The following TMEM108 variants were observed in gnomAD, a reference collection of about 807,000 sequenced individuals.
The protein encoded by TMEM108 is cancer/testis antigen 124.
A neutral mutation model predicts 35.1 loss-of-function variants in TMEM108; 12 were observed. The ratio of observed to expected loss-of-function variants is 0.34; its 90% CI spans 0.22 to 0.55. TMEM108 has a LOEUF of 0.55. TMEM108 is among the 20% of genes least tolerant of loss of function. The pLI is 0.89. For synonymous variants in TMEM108, 287 were observed against 308.6 expected, an observed-to-expected ratio of 0.93 and a Z score of 0.73; for missense variants, 680 against 753.3, an observed-to-expected ratio of 0.90 and a Z score of 1.14.
chr3:133,095,689 G>A (rs1364988499), intron 2 of TMEM108, among the ~76,000 whole-genome samples: 1 of 152,102 alleles, frequency 6.6e-6, no homozygotes, highest in African/African-American at 2.4e-5. Context: ...ATTCACAATA[G>A]GGTTTGTGCT....
At chr3:133,128,982 C>T (rs1454261144) in intron 2 of TMEM108, among the ~76,000 whole-genome samples, 1 of 152,138 alleles carries the variant, frequency 6.6e-6, no homozygotes. Context: ...TTTTTGCCTC[C>T]TTAATATAGC....
chr3:133,170,181 T>A (rs1945109363), intron 2 of TMEM108, among the ~76,000 whole-genome samples: 1 of 152,140 alleles, frequency 6.6e-6, no homozygotes, highest in Admixed American at 6.5e-5. Context: ...AAAAAAGAAA[T>A]AATTCCAAAC....
chr3:133,166,364 G>A (rs565701949), intron 2 of TMEM108, among the ~76,000 whole-genome samples: 8 of 152,208 alleles, frequency 5.3e-5, no homozygotes, highest in South Asian at 4.1e-4. Context: ...GAAAAAAATC[G>A]TTTATTTTAC....
intron 2 of TMEM108, among the ~76,000 whole-genome samples, chr3:133,136,585 C>T (rs1425308050): frequency 6.6e-6 from 1 of 152,210 alleles, no homozygotes; most frequent in African/African-American, 2.4e-5. Flanking sequence ...AGAGGAGCTT[C>T]TTCCCACCAG....
chr3:133,069,490 T>C (rs1330149990), intron 2 of TMEM108, among the ~76,000 whole-genome samples: 1 of 152,194 alleles, frequency 6.6e-6, no homozygotes, highest in African/African-American at 2.4e-5. Context: ...GGGGGACTTA[T>C]TCAAATTAAC....
intron 3 of TMEM108, among the ~76,000 whole-genome samples, chr3:133,236,994 A>G (rs920282748): frequency 1.3e-5 from 2 of 152,134 alleles, no homozygotes; most frequent in African/African-American, 4.8e-5. Flanking sequence ...CTCCCTCCTT[A>G]GCTGTCAGAG....
At chr3:133,266,993 T>G (rs1360283548) in intron 3 of TMEM108, among the ~76,000 whole-genome samples, 1 of 144,640 alleles carries the variant, frequency 6.9e-6, no homozygotes, top group East Asian at 2.0e-4. Context: ...GGCAGGAGAA[T>G]GGCGTGAACC....
At chr3:133,181,519 A>C (rs901912013) in intron 2 of TMEM108, among the ~76,000 whole-genome samples, 3 of 152,168 alleles carry the variant, frequency 2.0e-5, no homozygotes, top group Non-Finnish European at 1.5e-5. Flanking sequence ...TCTAATGTTT[A>C]GAGTCACTTC....
intron 3 of TMEM108, among the ~76,000 whole-genome samples, chr3:133,295,388 C>CTAA (rs2107698768): frequency 6.6e-6 from 1 of 152,210 alleles, no homozygotes; most frequent in Non-Finnish European, 1.5e-5. Context: ...GTGGTAGGCC[C>CTAA]ATTAGGGAAC....
chr3:133,188,374 T>C (rs1024747876), intron 2 of TMEM108, among the ~76,000 whole-genome samples: 2 of 151,954 alleles, frequency 1.3e-5, no homozygotes, highest in African/African-American at 4.8e-5. Context: ...AAATGACATT[T>C]GTGGGTGGGT....
chr3:133,110,671 T>C (rs182048918), intron 2 of TMEM108, among the ~76,000 whole-genome samples: 11 of 152,336 alleles, frequency 7.2e-5, no homozygotes, highest in African/African-American at 2.6e-4. Flanking sequence ...TTTCTTGAAC[T>C]AAATCAGACA....
Position 133,130,314 on chromosome 3 carries a change from T to C in TMEM108, c.-47+84294T>C, listed in dbSNP as rs116581037. 2.1e-3 allele frequency among the ~76,000 whole-genome samples: 318 copies of C among 152,302 alleles called. 1 individual carries two copies. Among genetic ancestry groups the C allele is most frequent in the African/African-American group, 6.8e-3 (283 of 41,572 alleles). On this transcript the variant is annotated intron_variant, in intron 2 of 5. Coordinates refer to ENST00000321871, the MANE Select transcript of TMEM108 (RefSeq NM_023943.4). The stretch of plus-strand genomic sequence containing the variant: ...GCAACAACCATGTGTATTTGACTCA[T>C]GAATCTGCAATCTGGCCAGGGCTCA...
intron 3 of TMEM108, among the ~76,000 whole-genome samples, chr3:133,332,084 A>ACGTG (rs2071402092): frequency 1.1e-4 from 1 of 8,748 alleles, no homozygotes; most frequent in Non-Finnish European, 1.1e-3. Context: ...GCGCACGTGC[A>ACGTG]CACACACACA....
chr3:133,056,774 G>T (rs777407099), intron 2 of TMEM108, among the ~76,000 whole-genome samples: 1 of 152,126 alleles, frequency 6.6e-6, no homozygotes, highest in Admixed American at 6.5e-5. Flanking sequence ...AGAATGTCCT[G>T]GTATATCTGC....
chr3:133,070,815 G>A (rs953264091), intron 2 of TMEM108, among the ~76,000 whole-genome samples: 5 of 151,000 alleles, frequency 3.3e-5, no homozygotes, highest in South Asian at 2.1e-4. Context: ...GTCTCTTGTC[G>A]TTAAAAAAGA....
chr3:133,263,404 G>T (rs1946652819), intron 3 of TMEM108, among the ~76,000 whole-genome samples: 1 of 152,122 alleles, frequency 6.6e-6, no homozygotes, highest in Admixed American at 6.6e-5. Context: ...ATTCTATCCT[G>T]ATCACAATTA....
chr3:133,136,617 C>T (rs1944567972), intron 2 of TMEM108, among the ~76,000 whole-genome samples: 1 of 152,156 alleles, frequency 6.6e-6, no homozygotes, highest in South Asian at 2.1e-4. Context: ...GTTTTGACAG[C>T]AGGTGTGGTG....
At chr3:133,148,242 AG>A (rs963105985) in intron 2 of TMEM108, among the ~76,000 whole-genome samples, 2 of 152,200 alleles carry the variant, frequency 1.3e-5, no homozygotes, top group African/African-American at 4.8e-5. Context: ...AGGAACTGAG[AG>A]CATCTTTTGG....
chr3:133,166,502 T>A (rs1945039815), intron 2 of TMEM108, among the ~76,000 whole-genome samples: 1 of 152,202 alleles, frequency 6.6e-6, no homozygotes, highest in Non-Finnish European at 1.5e-5. Flanking sequence ...GTTTGTTCCT[T>A]CTGATGTTCG....
Sources: allele counts gnomAD v4.1 joint callset (sites outside exome capture counted in the v4.1 genomes callset), GRCh38; gene constraint gnomAD v4.1.1; transcripts MANE v1.5; gene names NCBI Gene and HGNC (gene_info 2026-07-23, HGNC 2026-07-21).